The following DUSP22 variants were observed in gnomAD, a reference collection of about 807,000 sequenced individuals.
DUSP22 encodes dual specificity phosphatase 22.
In DUSP22, 24 loss-of-function variants were observed where a neutral mutation model predicts 24.5. The ratio of observed to expected loss-of-function variants is 0.98; its 90% CI spans 0.71 to 1.38. The LOEUF is 1.38. Ranked by LOEUF, DUSP22 falls within the 40% of genes most tolerant of loss-of-function variation. The pLI, the probability that DUSP22 is intolerant of heterozygous loss-of-function variation, is 0.00. For synonymous variants in DUSP22, 160 were observed against 106.4 expected, an observed-to-expected ratio of 1.50 and a Z score of -3.10; for missense variants, 330 against 269.2, an observed-to-expected ratio of 1.23 and a Z score of -1.58.
intron 2 of DUSP22, among the ~76,000 whole-genome samples, chr6:306,631 T>G (rs540229748): frequency 6.6e-6 from 1 of 152,424 alleles, no homozygotes; most frequent in Non-Finnish European, 1.5e-5. Flanking sequence ...GGTACAAGGC[T>G]TATCTAAAAG....
At chr6:344,875 C>G (rs373616912) in intron 4 of DUSP22, among the ~76,000 whole-genome samples, 6 of 152,416 alleles carry the variant, frequency 3.9e-5, no homozygotes, top group Non-Finnish European at 8.8e-5. Context: ...AAAGCCCACA[C>G]GACGTGGTCA....
At chr6:302,170 A>C (rs562743669) in intron 1 of DUSP22, among the ~76,000 whole-genome samples, 1 of 152,426 alleles carries the variant, frequency 6.6e-6, no homozygotes, top group East Asian at 1.9e-4. Context: ...TGACGAAGGG[A>C]GTGTACGTGC....
intron 2 of DUSP22, among the ~76,000 whole-genome samples, chr6:310,068 C>G (rs1758003598): frequency 1.3e-5 from 2 of 152,306 alleles, no homozygotes; most frequent in South Asian, 4.1e-4. Context: ...TCAAGCGATT[C>G]TCCTACCTCA....
intron 3 of DUSP22, among the ~76,000 whole-genome samples, chr6:312,239 G>A (rs1284981179): frequency 2.0e-5 from 3 of 152,306 alleles, no homozygotes; most frequent in Non-Finnish European, 4.4e-5. Context: ...TTTCCCTCTG[G>A]ACCTTAAGGA....
intron 3 of DUSP22, among the ~76,000 whole-genome samples, chr6:319,662 A>G (rs1206867163): frequency 6.6e-6 from 1 of 152,298 alleles, no homozygotes; most frequent in East Asian, 1.9e-4. Context: ...TATCTTACCG[A>G]AAAACACTGT....
intron 1 of DUSP22, among the ~76,000 whole-genome samples, chr6:297,482 G>A (rs540356457): frequency 5.2e-5 from 8 of 152,420 alleles, no homozygotes; most frequent in African/African-American, 1.4e-4. Flanking sequence ...GCATAGACCG[G>A]TGTTCCTCAA....
intron 4 of DUSP22, among the ~76,000 whole-genome samples, chr6:341,106 C>T (rs1424613786): frequency 2.0e-5 from 3 of 152,302 alleles, no homozygotes; most frequent in African/African-American, 7.2e-5. Context: ...CCTGGAGGTG[C>T]CCCTGCTGCA....
intron 1 of DUSP22, among the ~76,000 whole-genome samples, chr6:301,037 G>A (rs1022046958): frequency 3.9e-5 from 6 of 152,296 alleles, no homozygotes; most frequent in Non-Finnish European, 7.3e-5. Context: ...TGCAGCCGGC[G>A]TGCAGACTTG....
chr6:311,263 G>A (rs561209768), intron 2 of DUSP22, among the ~76,000 whole-genome samples: 9 of 152,416 alleles, frequency 5.9e-5, no homozygotes, highest in Admixed American at 2.6e-4. Flanking sequence ...CAAGGGGGAG[G>A]GAGAGGAGAC....
At chr6:316,405 C>A (rs566502442) in intron 3 of DUSP22, among the ~76,000 whole-genome samples, 1 of 152,306 alleles carries the variant, frequency 6.6e-6, no homozygotes, top group Admixed American at 6.5e-5. Flanking sequence ...AATCCTCCTT[C>A]GCCTGTTTCT....
chr6:328,894 C>T (rs578151116), intron 3 of DUSP22, among the ~76,000 whole-genome samples: 94 of 152,388 alleles, frequency 6.2e-4, no homozygotes, highest in African/African-American at 2.1e-3. Flanking sequence ...AGTCCATAGG[C>T]ATACGTAAGT....
chr6:347,570 T>C (rs1167885812), intron 5 of DUSP22, among the ~76,000 whole-genome samples: 1 of 152,304 alleles, frequency 6.6e-6, no homozygotes, highest in Non-Finnish European at 1.5e-5. Flanking sequence ...GTGCCTGCTC[T>C]GTACTCTGCA....
At chr6:304,588 G>C (rs371110899) in intron 1 of DUSP22, 40 bp from the exon 2 acceptor site, 2 of 1,614,158 alleles carry the variant, frequency 1.2e-6, no homozygotes, top group Admixed American at 1.7e-5. Context: ...CATCCACTTA[G>C]AGTCTGCCAT....
At chr6:307,038 G>A (rs1757841302) in intron 2 of DUSP22, among the ~76,000 whole-genome samples, 1 of 152,310 alleles carries the variant, frequency 6.6e-6, no homozygotes, top group Non-Finnish European at 1.5e-5. Context: ...CAGGTCTGCA[G>A]TAGGCAGCTG....
At chr6:336,842 G>A (rs544365415) in intron 4 of DUSP22, among the ~76,000 whole-genome samples, 93 of 152,364 alleles carry the variant, frequency 6.1e-4, no homozygotes, top group Admixed American at 9.2e-4. Flanking sequence ...TGGTTGGAAG[G>A]CATGGTGCAC....
intron 4 of DUSP22, among the ~76,000 whole-genome samples, chr6:338,405 G>C (rs1456765367): frequency 6.6e-6 from 1 of 152,300 alleles, no homozygotes; most frequent in Admixed American, 6.5e-5. Context: ...GTAATCAAAT[G>C]ATTCCCCTCA....
chr6:335,282 GC>G, intron 4 of DUSP22, 119 bp downstream of exon 4: 1 of 1,327,452 alleles, frequency 7.5e-7, no homozygotes, highest in Non-Finnish European at 1.1e-6. Flanking sequence ...TGCTGACCCT[GC>G]CAGGGAAGAG....
In DUSP22 at chr6:335,953, T is replaced by TGGAAA. The variant is rs1430863490; in HGVS notation, c.188+791_188+792insGAAAG. ...CTGCACCTATAGAGAGATTCATAAT[T>TGGAAA]GTTCCCTTTTCCATATTGAAGAAAT... On this transcript the variant is annotated intron_variant, in intron 4 of 6. Transcript: ENST00000419235. Among the ~76,000 whole-genome samples, 4 of 152,426 alleles carry TGGAAA rather than the reference T, an allele frequency of 2.6e-5. No individual in the cohort carries two copies. The South Asian group carries it at 6.2e-4, about 24-fold the overall frequency.
At chr6:296,262 A>G (rs1757323849) in intron 1 of DUSP22, among the ~76,000 whole-genome samples, 1 of 152,302 alleles carries the variant, frequency 6.6e-6, no homozygotes, top group African/African-American at 2.4e-5. Context: ...ATAATTGCCA[A>G]TGAGTTTATG....
Sources: gnomAD v4.1 joint callset for allele counts (sites outside exome capture counted in the v4.1 genomes callset) on GRCh38, gnomAD v4.1.1 for gene constraint, MANE v1.5 for transcripts, NCBI Gene and HGNC (gene_info 2026-07-23, HGNC 2026-07-21) for gene names.